The following LRRTM4 variants were observed in gnomAD, a reference collection of about 807,000 sequenced individuals.
The protein encoded by LRRTM4 is leucine-rich repeat transmembrane neuronal protein 4.
LRRTM4 carries 25 observed loss-of-function variants against 47.6 expected under a neutral mutation model. That is an observed-to-expected ratio of 0.53 (90% CI 0.38 to 0.73). LRRTM4 has a LOEUF of 0.73. LRRTM4 is among the 30% of genes least tolerant of loss of function. The probability of loss-of-function intolerance (pLI) is 0.00; values close to 1 mark genes in which losing one functional copy is unlikely to be tolerated. For missense variants in LRRTM4, 638 were observed against 713.4 expected, an observed-to-expected ratio of 0.89 and a Z score of 1.20; for synonymous variants, 311 against 269.5, an observed-to-expected ratio of 1.15 and a Z score of -1.51.
chr2:77,079,921 T>C (rs1346645193), intron 3 of LRRTM4, among the ~76,000 whole-genome samples: 1 of 152,104 alleles, frequency 6.6e-6, no homozygotes, highest in Non-Finnish European at 1.5e-5. Flanking sequence ...CATTTTATGA[T>C]AGAAATATAT....
chr2:77,171,199 T>C (rs1673039297), intron 3 of LRRTM4, among the ~76,000 whole-genome samples: 1 of 152,140 alleles, frequency 6.6e-6, no homozygotes, highest in Non-Finnish European at 1.5e-5. Context: ...AGATTTAGCA[T>C]GCTAGTTTAC....
intron 3 of LRRTM4, among the ~76,000 whole-genome samples, chr2:77,067,586 G>C (rs1031676525): frequency 6.6e-6 from 1 of 151,484 alleles, no homozygotes; most frequent in Non-Finnish European, 1.5e-5. Flanking sequence ...TAGAAAGTTA[G>C]AACAAGAATC....
At chr2:77,103,251 C>T (rs560179706) in intron 3 of LRRTM4, among the ~76,000 whole-genome samples, 15 of 152,154 alleles carry the variant, frequency 9.9e-5, no homozygotes, top group Non-Finnish European at 1.9e-4. Flanking sequence ...AAGGAAAATA[C>T]CAATAAAAAT....
intron 3 of LRRTM4, among the ~76,000 whole-genome samples, chr2:77,221,206 C>T (rs1164454918): frequency 6.6e-6 from 1 of 152,136 alleles, no homozygotes; most frequent in Non-Finnish European, 1.5e-5. Context: ...CTGAAGGAAG[C>T]ACTAAACATG....
At chr2:76,966,388 T>A (rs1386051600) in intron 3 of LRRTM4, among the ~76,000 whole-genome samples, 1 of 151,470 alleles carries the variant, frequency 6.6e-6, no homozygotes, top group Non-Finnish European at 1.5e-5. Context: ...ATTACATGTA[T>A]TTTTTGGTCT....
chr2:76,777,367 G>A (rs866702502), intron 3 of LRRTM4, among the ~76,000 whole-genome samples: 45 of 142,442 alleles, frequency 3.2e-4, no homozygotes, highest in African/African-American at 7.6e-4. Flanking sequence ...CCATTTTCAC[G>A]ATATTGATTC....
rs751074111 is a variant in LRRTM4 at position 77,518,672 on chromosome 2, A to G, written c.1197T>C (p.Phe399=). Residue 399 remains phenylalanine, a synonymous_variant, in exon 3 of 4, where the codon TTT becomes TTC. Transcript: ENST00000409884. The stretch of plus-strand genomic sequence containing the variant: ...ACCCTGGGGAAGGGCTTGGTGTTTC[A>G]AAGGTGGATTGGGTGACGTCAGGTT... ...IFKPDVTQST[F]ETPSPSPGFQ... is the part of the protein sequence containing the mutation. The G allele has an allele frequency of 1.2e-6, 2 of 1,613,442 alleles. No individual in the cohort carries two copies. Among genetic ancestry groups the G allele is most frequent in the South Asian group, 2.2e-5 (2 of 91,076 alleles).
chr2:76,762,726 T>C (rs530610759), intron 3 of LRRTM4, among the ~76,000 whole-genome samples: 1 of 152,242 alleles, frequency 6.6e-6, no homozygotes, highest in East Asian at 1.9e-4. Context: ...TTGGAAGGCC[T>C]AGGTGGGAGG....
At chr2:77,141,762 A>C (rs540275520) in intron 3 of LRRTM4, among the ~76,000 whole-genome samples, 6 of 152,310 alleles carry the variant, frequency 3.9e-5, no homozygotes, top group Admixed American at 3.9e-4. Context: ...TTGTCATTAT[A>C]AACTTTTATT....
chr2:76,988,334 T>A lies in LRRTM4; in HGVS notation c.1552-239418A>T, dbSNP rs1051916459. Reference sequence around the variant, plus strand: ...ACATGTCCGTGGTAGGCCAGCAATCTACCAAAACATGGTACATGTTCCACT... The same window carrying A: ...ACATGTCCGTGGTAGGCCAGCAATCAACCAAAACATGGTACATGTTCCACT... On this transcript the variant is annotated intron_variant, in intron 3 of 3. Coordinates refer to ENST00000409884, the MANE Select transcript of LRRTM4 (RefSeq NM_001134745.3). 2.0e-5 allele frequency among the ~76,000 whole-genome samples: 3 copies of A among 151,870 alleles called. 1 individual carries two copies. Among genetic ancestry groups the A allele is most frequent in the African/African-American group, 7.2e-5 (3 of 41,414 alleles).
At chr2:77,286,538 C>A (rs1347017690) in intron 3 of LRRTM4, among the ~76,000 whole-genome samples, 3 of 150,782 alleles carry the variant, frequency 2.0e-5, no homozygotes, top group Admixed American at 6.6e-5. Context: ...TTATAAAATG[C>A]AAATGATTTT....
intron 3 of LRRTM4, among the ~76,000 whole-genome samples, chr2:77,344,072 G>C (rs1347356431): frequency 2.6e-5 from 4 of 151,776 alleles, no homozygotes; most frequent in Non-Finnish European, 5.9e-5. Flanking sequence ...CCTCTGATTT[G>C]TGCTTATAGA....
intron 3 of LRRTM4, among the ~76,000 whole-genome samples, chr2:77,052,319 C>G (rs1296499482): frequency 2.0e-5 from 3 of 151,822 alleles, no homozygotes; most frequent in Non-Finnish European, 2.9e-5. Flanking sequence ...CAGGCATCTG[C>G]CACCACGCCT....
chr2:77,108,787 T>G (rs548798157), intron 3 of LRRTM4, among the ~76,000 whole-genome samples: 31 of 151,830 alleles, frequency 2.0e-4, no homozygotes, highest in South Asian at 6.2e-4. Context: ...GTTTCACCGT[T>G]TTAGCCGGGA....
chr2:77,426,216 C>A (rs1675098771), intron 3 of LRRTM4, among the ~76,000 whole-genome samples: 1 of 152,036 alleles, frequency 6.6e-6, no homozygotes, highest in South Asian at 2.1e-4. Flanking sequence ...GCTACTCAAG[C>A]TCATTTACTT....
intron 3 of LRRTM4, among the ~76,000 whole-genome samples, chr2:77,512,382 T>C (rs1168317921): frequency 1.3e-5 from 2 of 152,176 alleles, no homozygotes; most frequent in African/African-American, 4.8e-5. Flanking sequence ...AATAGCCCTG[T>C]AATTTCTTTT....
chr2:76,907,423 A>G (rs1000958285), intron 3 of LRRTM4, among the ~76,000 whole-genome samples: 6 of 150,540 alleles, frequency 4.0e-5, no homozygotes, highest in Non-Finnish European at 7.4e-5. Flanking sequence ...TAACATCACA[A>G]TTAAAAGAAC....
chr2:77,052,519 TA>T (rs1679470704), intron 3 of LRRTM4, among the ~76,000 whole-genome samples: 1 of 152,062 alleles, frequency 6.6e-6, no homozygotes, highest in African/African-American at 2.4e-5. Context: ...AAGTGACCAT[TA>T]AGGGCCATGT....
intron 3 of LRRTM4, among the ~76,000 whole-genome samples, chr2:76,968,342 A>G (rs13430845): frequency 0.025 from 662 of 27,010 alleles, 3 homozygotes; most frequent in African/African-American, 0.042. Flanking sequence ...GTATGTGTGT[A>G]TATATATATA....
Sources: allele counts gnomAD v4.1 joint callset (sites outside exome capture counted in the v4.1 genomes callset), GRCh38; gene constraint gnomAD v4.1.1; transcripts MANE v1.5; gene names NCBI Gene and HGNC (gene_info 2026-07-23, HGNC 2026-07-21).